LRMDA: variants seen among roughly 807,000 people sequenced by gnomAD.
LRMDA encodes the protein leucine-rich melanocyte differentiation-associated protein.
In LRMDA, 18 loss-of-function variants were observed where a neutral mutation model predicts 29.8. The ratio of observed to expected loss-of-function variants is 0.60; its 90% CI spans 0.42 to 0.90. The LOEUF (loss-of-function observed/expected upper bound fraction) is 0.90, where lower values mean the gene tolerates loss of function less well. Ranked by LOEUF, LRMDA falls within the 40% of genes least tolerant of loss-of-function variation. The pLI is 0.00. For missense variants in LRMDA, 273 were observed against 273.9 expected (o/e 1.00, Z 0.02); for synonymous variants, 125 against 109.4 (o/e 1.14, Z -0.89).
chr10:76,217,796 A>G (rs913573322), intron 5 of LRMDA, among the ~76,000 whole-genome samples: 9 of 152,182 alleles, frequency 5.9e-5, no homozygotes, highest in Non-Finnish European at 1.3e-4. Flanking sequence ...TACTTCCCAT[A>G]TTAAATACAA....
At chr10:75,664,931 C>T (rs1266193753) in intron 2 of LRMDA, among the ~76,000 whole-genome samples, 1 of 152,056 alleles carries the variant, frequency 6.6e-6, no homozygotes, top group Non-Finnish European at 1.5e-5. Context: ...CCAGACAGAC[C>T]CAGCACCTGT....
chr10:76,426,339 T>G (rs1337159686), intron 6 of LRMDA, among the ~76,000 whole-genome samples: 2 of 152,250 alleles, frequency 1.3e-5, no homozygotes, highest in Non-Finnish European at 2.9e-5. Flanking sequence ...GATTTGCATT[T>G]CTCTGATGGC....
At chr10:76,465,457 C>T (rs1280265587) in intron 6 of LRMDA, among the ~76,000 whole-genome samples, 2 of 152,052 alleles carry the variant, frequency 1.3e-5, no homozygotes, top group Non-Finnish European at 2.9e-5. Flanking sequence ...TATTTGTTCC[C>T]GAGACACTTG....
At chr10:75,720,633 C>G (rs1180245000) in intron 2 of LRMDA, among the ~76,000 whole-genome samples, 2 of 152,204 alleles carry the variant, frequency 1.3e-5, no homozygotes, top group Admixed American at 1.3e-4. Flanking sequence ...GACCACTCTT[C>G]CACTCCTTTG....
intron 5 of LRMDA, among the ~76,000 whole-genome samples, chr10:76,232,968 G>A (rs563006331): frequency 2.6e-4 from 40 of 152,304 alleles, no homozygotes; most frequent in African/African-American, 8.9e-4. Context: ...AACCAATTAC[G>A]AAAGGGTAGG....
chr10:76,180,277 C>CTTTTTTTT (rs34563574), intron 5 of LRMDA, among the ~76,000 whole-genome samples: 1 of 89,864 alleles, frequency 1.1e-5, no homozygotes, highest in Non-Finnish European at 2.0e-5. Flanking sequence ...TTGGAAAAAA[C>CTTTTTTTT]TTTTTTTTTT....
chr10:75,889,389 G>A (rs942095), intron 2 of LRMDA, among the ~76,000 whole-genome samples: 1 of 152,186 alleles, frequency 6.6e-6, no homozygotes, highest in South Asian at 2.1e-4. Context: ...TGAGTTAGAA[G>A]GAATTGCTGG....
intron 2 of LRMDA, among the ~76,000 whole-genome samples, chr10:75,880,315 G>T (rs1251046373): frequency 6.6e-6 from 1 of 152,164 alleles, no homozygotes; most frequent in Admixed American, 6.5e-5. Context: ...TCAGCCAGAA[G>T]GTAGTAAAAG....
chr10:75,674,192 C>G (rs1453685314), intron 2 of LRMDA, among the ~76,000 whole-genome samples: 1 of 152,072 alleles, frequency 6.6e-6, no homozygotes, highest in African/African-American at 2.4e-5. Context: ...AGATATTATA[C>G]CAAGACATTT....
intron 5 of LRMDA, among the ~76,000 whole-genome samples, chr10:76,088,963 C>T (rs1293873954): frequency 2.0e-5 from 3 of 152,122 alleles, no homozygotes; most frequent in African/African-American, 4.8e-5. Context: ...CAATTCTGTC[C>T]GTGTGATTAA....
At chr10:76,447,384 G>T (rs1007605191) in intron 6 of LRMDA, among the ~76,000 whole-genome samples, 2 of 152,058 alleles carry the variant, frequency 1.3e-5, no homozygotes, top group Non-Finnish European at 2.9e-5. Context: ...TGATTGTTGA[G>T]TTCTGTGGAT....
In LRMDA at chr10:76,558,951, A is replaced by G. The variant is rs1843592216; in HGVS notation, c.*1663A>G. ...TTTGCATTTATCTCTCAAATCCATTAGTAACTGGATTTGAGTACCTTTTCT... is the reference window on the plus strand; with the variant it reads ...TTTGCATTTATCTCTCAAATCCATTGGTAACTGGATTTGAGTACCTTTTCT... On this transcript the variant is annotated 3_prime_UTR_variant, in exon 7 of 7. Coordinates refer to ENST00000611255, the MANE Select transcript of LRMDA (RefSeq NM_001305581.2). The G allele has an allele frequency of 6.6e-6, 1 of 152,226 alleles. No individual in the cohort carries two copies. The highest frequency in any genetic ancestry group is 1.5e-5 in the Non-Finnish European group (1 of 68,044). The allele number at this position is 152,226 out of a possible 1,614,324, so 9.4% of individuals were successfully genotyped here.
At chr10:76,020,743 G>A (rs1025418961) in intron 2 of LRMDA, among the ~76,000 whole-genome samples, 8 of 152,330 alleles carry the variant, frequency 5.3e-5, no homozygotes, top group Non-Finnish European at 1.2e-4. Context: ...AGACCCCAGC[G>A]AGAGCCCCCA....
intron 5 of LRMDA, among the ~76,000 whole-genome samples, chr10:76,193,456 T>A (rs552111822): frequency 6.6e-6 from 1 of 152,214 alleles, no homozygotes; most frequent in South Asian, 2.1e-4. Context: ...CAACTGGTGG[T>A]GTCATTTGAC....
chr10:75,794,967 T>C (rs544732497), intron 2 of LRMDA, among the ~76,000 whole-genome samples: 106 of 152,262 alleles, frequency 7.0e-4, no homozygotes, highest in African/African-American at 2.4e-3. Flanking sequence ...TGTTAATGCT[T>C]TCTGTATCCT....
At chr10:76,015,921 C>A (rs1475732917) in intron 2 of LRMDA, among the ~76,000 whole-genome samples, 1 of 152,220 alleles carries the variant, frequency 6.6e-6, no homozygotes, top group Non-Finnish European at 1.5e-5. Context: ...TCAGAATCTA[C>A]TTCTTTGAAA....
chr10:76,172,511 G>C (rs895680883), intron 5 of LRMDA, among the ~76,000 whole-genome samples: 6 of 152,204 alleles, frequency 3.9e-5, no homozygotes, highest in African/African-American at 1.4e-4. Flanking sequence ...AAGAATACCA[G>C]AAAGGAGAGC....
Position 76,227,060 on chromosome 10 carries a change from A to G in LRMDA, c.517-97341A>G, listed in dbSNP as rs1411678235. On this transcript the variant is annotated intron_variant, in intron 5 of 6. Transcript: ENST00000611255. ...GCCTGTCAAAGTGCCTCTACCTGTTATCTGAATCACATGATGGAGTGAATT... is the reference window on the plus strand; with the variant it reads ...GCCTGTCAAAGTGCCTCTACCTGTTGTCTGAATCACATGATGGAGTGAATT... Among the ~76,000 whole-genome samples the G allele has an allele frequency of 4.6e-5, 7 of 152,364 alleles. No individual in the cohort carries two copies. In the East Asian group the frequency reaches 1.2e-3, roughly 25 times the overall value.
chr10:75,991,756 A>G (rs1418019665), intron 2 of LRMDA, among the ~76,000 whole-genome samples: 1 of 152,202 alleles, frequency 6.6e-6, no homozygotes, highest in Non-Finnish European at 1.5e-5. Flanking sequence ...GAAGGAAACT[A>G]AAACCTAGCA....
Sources: gnomAD v4.1 joint callset for allele counts (sites outside exome capture counted in the v4.1 genomes callset) on GRCh38, gnomAD v4.1.1 for gene constraint, MANE v1.5 for transcripts, NCBI Gene and HGNC (gene_info 2026-07-23, HGNC 2026-07-21) for gene names.